The following TOR1AIP2 variants were observed in gnomAD, a reference collection of about 807,000 sequenced individuals.
TOR1AIP2 encodes torsin 1A interacting protein 2, also known as torsin-1A-interacting protein 2.
In TOR1AIP2, 20 loss-of-function variants were observed where a neutral mutation model predicts 32.6. The observed-to-expected ratio is 0.61, with a 90% confidence interval of 0.43 to 0.89. The LOEUF (loss-of-function observed/expected upper bound fraction) is 0.89, where lower values mean the gene tolerates loss of function less well. TOR1AIP2 is among the 40% of genes least tolerant of loss of function. The probability of loss-of-function intolerance (pLI) is 0.00; values close to 1 mark genes in which losing one functional copy is unlikely to be tolerated. For missense variants in TOR1AIP2, 456 were observed against 553.8 expected, an observed-to-expected ratio of 0.82 and a Z score of 1.77; for synonymous variants, 214 against 210.8, an observed-to-expected ratio of 1.02 and a Z score of -0.13.
rs1558006831 is a variant in TOR1AIP2 at position 179,845,463 on chromosome 1, G to C, written c.*608C>G. On this transcript the variant is annotated 3_prime_UTR_variant, in exon 7 of 7. Coordinates refer to ENST00000609928, the MANE Select transcript of TOR1AIP2 (RefSeq NM_001199260.2). ...ACAGCTGCTTATACCTCAGCTGAAT[G>C]AAATAAAAGCACAGTGCCTTACATG... 3 of 152,154 alleles carry C rather than the reference G, an allele frequency of 2.0e-5. No individual in the cohort carries two copies. The South Asian group carries it at 6.2e-4, about 31-fold the overall frequency. 9.4% of individuals were successfully genotyped at this position (152,154 alleles called of 1,614,324 possible).
At position 179,867,573 on chromosome 1, in the gene TOR1AIP2, G is replaced by C. The variant is rs566577454; in HGVS notation, c.-565-1719C>G. Reference sequence around the variant, plus strand: ...TAATTGATCAGATTTTACATTTTTAGAGTGAAATCAAGTAAATGCAACAAG... The same window carrying C: ...TAATTGATCAGATTTTACATTTTTACAGTGAAATCAAGTAAATGCAACAAG... On this transcript the variant is annotated intron_variant, in intron 2 of 6. Coordinates refer to ENST00000609928, the MANE Select transcript of TOR1AIP2 (RefSeq NM_001199260.2). 11 of 152,276 alleles carry C rather than the reference G, an allele frequency of 7.2e-5. No homozygotes were observed. In the East Asian group the frequency reaches 2.1e-3, roughly 29 times the overall value. 9.4% of individuals were successfully genotyped at this position (152,276 alleles called of 1,614,324 possible).
intron 5 of TOR1AIP2, among the ~76,000 whole-genome samples, chr1:179,848,648 AG>A (rs1696007656): frequency 6.6e-6 from 1 of 152,254 alleles, no homozygotes. Context: ...CTATTAGCAT[AG>A]ATGAGTAGGA....
chr1:179,860,302 G>T, intron 3 of TOR1AIP2: 7 of 769,302 alleles, frequency 9.1e-6, no homozygotes, highest in Non-Finnish European at 1.1e-5. Context: ...GGGCAACATG[G>T]CGATACTCCA....
chr1:179,858,081 G>A (rs757527828), intron 3 of TOR1AIP2, among the ~76,000 whole-genome samples: 4 of 151,526 alleles, frequency 2.6e-5, no homozygotes, highest in Non-Finnish European at 4.4e-5. Context: ...TTTGAGCCCA[G>A]GAGTTCAAGG....
At chr1:179,852,137 G>T (rs1303537567) in intron 4 of TOR1AIP2, among the ~76,000 whole-genome samples, 1 of 152,048 alleles carries the variant, frequency 6.6e-6, no homozygotes, top group African/African-American at 2.4e-5. Context: ...AAAATTCACT[G>T]GGTGTGGTGG....
chr1:179,855,795 T>TTA lies in TOR1AIP2; in HGVS notation c.-146-2986_-146-2985dup, dbSNP rs1404505611. On this transcript the variant is annotated intron_variant, in intron 3 of 6. Transcript: ENST00000609928. ...AATGTTCATTAATAAGAAAGTGGGT[T>TTA]TAAAAAATTGTCATATTCTTACAAT... Among the ~76,000 whole-genome samples, 3 of 152,292 alleles carry TTA rather than the reference T, an allele frequency of 2.0e-5. No homozygotes were observed. The East Asian group carries it at 5.8e-4, about 29-fold the overall frequency.
chr1:179,871,437 A>C (rs1298142938), intron 2 of TOR1AIP2, among the ~76,000 whole-genome samples: 1 of 152,226 alleles, frequency 6.6e-6, no homozygotes. Context: ...GCAACTTTTT[A>C]ATTAACTTCT....
intron 2 of TOR1AIP2, among the ~76,000 whole-genome samples, chr1:179,876,944 T>C (rs1038526258): frequency 1.3e-5 from 2 of 151,808 alleles, no homozygotes; most frequent in African/African-American, 2.4e-5. Context: ...AGCAAAATGG[T>C]AGGAGGTCTT....
At chr1:179,874,966 TTC>T (rs758176758) in intron 2 of TOR1AIP2, 48 of 152,220 alleles carry the variant, frequency 3.2e-4, no homozygotes, top group East Asian at 5.7e-4. Flanking sequence ...GACTTGGTGT[TTC>T]TCTCTCTCTC....
At chr1:179,864,643 G>A (rs764498453) in intron 3 of TOR1AIP2, 16 of 1,462,278 alleles carry the variant, frequency 1.1e-5, no homozygotes, top group East Asian at 2.3e-5. Flanking sequence ...TATAGGCCAC[G>A]GAAGCAGATC....
intron 3 of TOR1AIP2, chr1:179,864,806 T>C (rs773043147): frequency 1.9e-6 from 3 of 1,603,316 alleles, no homozygotes; most frequent in Non-Finnish European, 2.6e-6. Context: ...CAGTTTTTTG[T>C]TTAAGGTTTT....
Position 179,850,990 on chromosome 1 carries a change from A to C in TOR1AIP2, c.408T>G (p.Ser136=). The change falls in exon 5 of 7, where the codon TCT becomes TCG. Residue 136 remains serine (S), a synonymous_variant. Transcript: ENST00000609928. ...CACTCGCTTCCTTAGGGAGGGCCAC[A>C]GAGCTGCTCCCTAAGTGTGCATCTG... The part of the protein sequence containing the change: ...GRADAHLGSS[S]VALPKEASDG... 1 of 1,614,212 alleles carries C rather than the reference A, an allele frequency of 6.2e-7. No individual in the cohort carries two copies. The highest frequency in any genetic ancestry group is 8.5e-7 in the Non-Finnish European group (1 of 1,180,012).
intron 2 of TOR1AIP2, chr1:179,868,821 A>C (rs902598378): frequency 2.0e-5 from 3 of 152,194 alleles, no homozygotes; most frequent in Non-Finnish European, 4.4e-5. Flanking sequence ...AAGTTTCAAA[A>C]GGATATAAAA....
chr1:179,867,605 T>C (rs1017553223), intron 2 of TOR1AIP2: 10 of 152,220 alleles, frequency 6.6e-5, no homozygotes, highest in East Asian at 1.9e-4. Context: ...CAAGATACTA[T>C]TGTAGTGTCA....
At chr1:179,862,731 C>G in intron 3 of TOR1AIP2, 1 of 795,948 alleles carries the variant, frequency 1.3e-6, no homozygotes, top group Non-Finnish European at 1.5e-6. Context: ...AGTTCAAGAC[C>G]AGCCTGGCCA....
In TOR1AIP2 at chr1:179,871,573, G is replaced by A. The variant is rs181658152; in HGVS notation, c.-566+5666C>T. On this transcript the variant is annotated intron_variant, in intron 2 of 6. Coordinates refer to ENST00000609928, the MANE Select transcript of TOR1AIP2 (RefSeq NM_001199260.2). ...GCATAATAATTAAGTTTCAGACTGA[G>A]TCTGGATTGGAATGACTTTTCCAGG... Among the ~76,000 whole-genome samples the A allele has an allele frequency of 1.1e-4, 17 of 152,280 alleles. No individual in the cohort carries two copies. In the South Asian group the frequency reaches 1.5e-3, roughly 13 times the overall value.
intron 2 of TOR1AIP2, among the ~76,000 whole-genome samples, chr1:179,872,070 A>T (rs1697032471): frequency 6.6e-6 from 1 of 152,216 alleles, no homozygotes; most frequent in Admixed American, 6.5e-5. Context: ...TAGAACAGAG[A>T]AGCCAAATAA....
chr1:179,874,818 A>G (rs1697132740), intron 2 of TOR1AIP2: 1 of 152,238 alleles, frequency 6.6e-6, no homozygotes, highest in African/African-American at 2.4e-5. Context: ...AAAGAAAGTT[A>G]TAAGTCAGCC....
At chr1:179,865,060 G>A (rs1696713171) in intron 3 of TOR1AIP2, 2 of 1,613,942 alleles carry the variant, frequency 1.2e-6, no homozygotes, top group East Asian at 2.2e-5. Flanking sequence ...TACGGTCTAA[G>A]AATACCTGGT....
Sources: allele counts gnomAD v4.1 joint callset (sites outside exome capture counted in the v4.1 genomes callset), GRCh38; gene constraint gnomAD v4.1.1; transcripts MANE v1.5; gene names NCBI Gene and HGNC (gene_info 2026-07-23, HGNC 2026-07-21).